The following RFX4 variants were observed in gnomAD, a reference collection of about 807,000 sequenced individuals.
RFX4 encodes the protein regulatory factor X4, also known as transcription factor RFX4.
RFX4 carries 10 observed loss-of-function variants against 95.0 expected under a neutral mutation model. That is an observed-to-expected ratio of 0.11 (90% confidence interval 0.06 to 0.18). The LOEUF (loss-of-function observed/expected upper bound fraction) is 0.18. Among genes scored for constraint, RFX4 ranks in the 10% least tolerant of loss-of-function variants. The pLI, the probability that RFX4 is intolerant of heterozygous loss-of-function variation, is 1.00. For missense variants in RFX4, 640 were observed against 922.0 expected (o/e 0.69, Z 3.96); for synonymous variants, 321 against 340.7 (o/e 0.94, Z 0.64).
At chr12:106,602,661 C>T (rs920790524) in intron 1 of RFX4, among the ~76,000 whole-genome samples, 2 of 152,186 alleles carry the variant, frequency 1.3e-5, no homozygotes, top group African/African-American at 2.4e-5. Flanking sequence ...GGGTAACCTT[C>T]GCCCTTGTGG....
At chr12:106,590,539 C>G (rs2039524321) in intron 1 of RFX4, among the ~76,000 whole-genome samples, 1 of 152,218 alleles carries the variant, frequency 6.6e-6, no homozygotes, top group Admixed American at 6.5e-5. Context: ...GCTTGGGAAG[C>G]AAGATCACTC....
At chr12:106,718,979 G>C (rs537755185) in intron 11 of RFX4, among the ~76,000 whole-genome samples, 2 of 151,330 alleles carry the variant, frequency 1.3e-5, no homozygotes, top group South Asian at 4.2e-4. Flanking sequence ...AAAATTAGCC[G>C]GGTGTGGTGG....
At position 106,655,645 on chromosome 12, in the gene RFX4, T is replaced by A. The variant is rs1019717333; in HGVS notation, c.315+1294T>A. 2.0e-5 allele frequency among the ~76,000 whole-genome samples: 3 copies of A among 152,328 alleles called. No individual in the cohort carries two copies. The East Asian group carries it at 5.8e-4, about 29-fold the overall frequency. On this transcript the variant is annotated intron_variant, in intron 4 of 17. Coordinates refer to ENST00000392842, the MANE Select transcript of RFX4 (RefSeq NM_213594.3). ...CAGAGGCCACAGTGGAAAGCCCAGATGAGGCCTCTTACATACAGGTTGGGG... is the reference window on the plus strand; with the variant it reads ...CAGAGGCCACAGTGGAAAGCCCAGAAGAGGCCTCTTACATACAGGTTGGGG...
chr12:106,757,973 C>G (rs1465426330), intron 17 of RFX4, among the ~76,000 whole-genome samples: 1 of 152,252 alleles, frequency 6.6e-6, no homozygotes, highest in Non-Finnish European at 1.5e-5. Context: ...CTCTCATACA[C>G]TCCTTTCAAG....
chr12:106,606,028 C>T (rs895256098), intron 1 of RFX4, among the ~76,000 whole-genome samples: 1 of 152,228 alleles, frequency 6.6e-6, no homozygotes, highest in Non-Finnish European at 1.5e-5. Flanking sequence ...TTTACTCAAA[C>T]TCTTGCGGGT....
At position 106,654,478 on chromosome 12, in the gene RFX4, C is replaced by A. The variant is rs1006339217; in HGVS notation, c.315+127C>A. 154 of 1,012,468 alleles carry A rather than the reference C, an allele frequency of 1.5e-4. 1 individual carries two copies. Among genetic ancestry groups the A allele is most frequent in the Non-Finnish European group, 2.0e-4 (149 of 727,512 alleles). 62.7% of individuals were successfully genotyped at this position (1,012,468 alleles called of 1,614,324 possible). On this transcript the variant is annotated intron_variant, in intron 4 of 17. Transcript: ENST00000392842. Reference sequence around the variant, plus strand: ...GTACTTACTTACTTTGGTACTTTGACAACTTCAACTTCACTGTAATACTTT... The same window carrying A: ...GTACTTACTTACTTTGGTACTTTGAAAACTTCAACTTCACTGTAATACTTT...
Position 106,583,187 on chromosome 12 carries a change from G to A in RFX4, c.-134G>A. The A allele has an allele frequency of 1.4e-6, 1 of 700,654 alleles. No homozygotes were observed. The highest frequency in any genetic ancestry group is 2.5e-5 in the South Asian group (1 of 40,648). The allele number at this position is 700,654 out of a possible 1,614,324, so 43.4% of individuals were successfully genotyped here. On this transcript the variant is annotated 5_prime_UTR_variant, in exon 1 of 18. Transcript: ENST00000392842. ...TTTTCCTTTCCTCCTTTATCCTTGTGCCCCCTCACTTTCTGCGTCTCTCTC... is the reference window on the plus strand; with the variant it reads ...TTTTCCTTTCCTCCTTTATCCTTGTACCCCCTCACTTTCTGCGTCTCTCTC...
At chr12:106,667,073 G>T (rs2041191627) in intron 4 of RFX4, among the ~76,000 whole-genome samples, 3 of 152,006 alleles carry the variant, frequency 2.0e-5, no homozygotes, top group Admixed American at 2.0e-4. Flanking sequence ...CTGTGATTAG[G>T]TCTCAATCCT....
intron 3 of RFX4, among the ~76,000 whole-genome samples, chr12:106,653,640 G>A (rs545421004): frequency 5.9e-5 from 9 of 152,330 alleles, no homozygotes; most frequent in Admixed American, 5.9e-4. Context: ...CAGCAGAGGA[G>A]AAGAGGATTC....
chr12:106,738,166 T>C (rs1277556872), intron 15 of RFX4, among the ~76,000 whole-genome samples: 1 of 152,186 alleles, frequency 6.6e-6, no homozygotes. Flanking sequence ...CCTGCCCAAA[T>C]ATCCCTGTCA....
chr12:106,624,068 G>C (rs760619816), intron 2 of RFX4, among the ~76,000 whole-genome samples: 8 of 152,158 alleles, frequency 5.3e-5, no homozygotes, highest in Non-Finnish European at 1.2e-4. Flanking sequence ...AATGGAACAA[G>C]GGGAGGTGCC....
intron 7 of RFX4, 60 bp from the exon 8 acceptor site, chr12:106,696,223 A>G (rs932839222): frequency 5.0e-6 from 8 of 1,595,436 alleles, no homozygotes; most frequent in African/African-American, 2.7e-5. Flanking sequence ...TGGAGTCCCA[A>G]GCTTCTGTTG....
intron 2 of RFX4, among the ~76,000 whole-genome samples, chr12:106,616,664 CT>C (rs1680987042): frequency 1.3e-5 from 2 of 151,982 alleles, no homozygotes; most frequent in Non-Finnish European, 2.9e-5. Context: ...ATTTTTATTT[CT>C]TTTTTTACTT....
At chr12:106,648,884 G>A (rs893625678) in intron 3 of RFX4, among the ~76,000 whole-genome samples, 1 of 152,086 alleles carries the variant, frequency 6.6e-6, no homozygotes, top group African/African-American at 2.4e-5. Context: ...TCATTGTAAA[G>A]TGCTGATACA....
intron 8 of RFX4, among the ~76,000 whole-genome samples, chr12:106,704,092 G>T (rs1415146369): frequency 8.8e-6 from 1 of 113,818 alleles, no homozygotes; most frequent in Non-Finnish European, 1.8e-5. Context: ...AAAAAAAAAA[G>T]GCTGAAATGA....
At chr12:106,661,944 G>A (rs763499422) in intron 4 of RFX4, among the ~76,000 whole-genome samples, 1 of 151,792 alleles carries the variant, frequency 6.6e-6, no homozygotes, top group African/African-American at 2.4e-5. Context: ...AGGTACCATG[G>A]TTTATTTATC....
chr12:106,725,711 C>T (rs139916426), intron 13 of RFX4, among the ~76,000 whole-genome samples: 51 of 151,504 alleles, frequency 3.4e-4, no homozygotes, highest in African/African-American at 1.1e-3. Context: ...AGAGACAAAA[C>T]GTTAAATGGA....
chr12:106,749,002 T>C (rs1438758324), intron 16 of RFX4, among the ~76,000 whole-genome samples: 1 of 151,206 alleles, frequency 6.6e-6, no homozygotes, highest in Non-Finnish European at 1.5e-5. Flanking sequence ...GGAGAATTGC[T>C]TGAACCCAGG....
At chr12:106,656,804 T>C (rs557212938) in intron 4 of RFX4, among the ~76,000 whole-genome samples, 5 of 152,202 alleles carry the variant, frequency 3.3e-5, no homozygotes, top group Admixed American at 6.5e-5. Context: ...TCACCCCAAA[T>C]GGCATTTCAA....
Sources: gnomAD v4.1 joint callset for allele counts (sites outside exome capture counted in the v4.1 genomes callset) on GRCh38, gnomAD v4.1.1 for gene constraint, MANE v1.5 for transcripts, NCBI Gene and HGNC (gene_info 2026-07-23, HGNC 2026-07-21) for gene names.